The following SP140L variants were observed in gnomAD, a reference collection of about 807,000 sequenced individuals.
SP140L encodes SP140 like nuclear body protein.
In SP140L, 64 loss-of-function variants were observed where a neutral mutation model predicts 84.3. The ratio of observed to expected loss-of-function variants is 0.76; its 90% CI spans 0.62 to 0.94. SP140L has a LOEUF of 0.94. SP140L is among the 40% of genes least tolerant of loss of function. The probability of loss-of-function intolerance (pLI) is 0.00; values close to 1 mark genes in which losing one functional copy is unlikely to be tolerated. For missense variants in SP140L, 628 were observed against 692.5 expected, an observed-to-expected ratio of 0.91 and a Z score of 1.05; for synonymous variants, 242 against 236.9, an observed-to-expected ratio of 1.02 and a Z score of -0.20.
In SP140L at chr2:230,359,189, A is replaced by C. The variant is rs139861906; in HGVS notation, c.439+57A>C. ...CCGGGGCCAATTTTTTTCAATAAGCATATGTTTGAGCTCCTACCATGTGCG... is the reference window on the plus strand; with the variant it reads ...CCGGGGCCAATTTTTTTCAATAAGCCTATGTTTGAGCTCCTACCATGTGCG... On this transcript the variant is annotated intron_variant, in intron 4 of 18. Coordinates refer to ENST00000415673, the MANE Select transcript of SP140L (RefSeq NM_138402.6). The C allele has an allele frequency of 6.7e-6, 10 of 1,499,854 alleles. No homozygotes were observed. In the African/African-American group the frequency reaches 7.0e-5, roughly 10 times the overall value. The allele number at this position is 1,499,854 out of a possible 1,614,324, so 92.9% of individuals were successfully genotyped here. A position where few individuals can be genotyped will look rare whatever the true frequency, so the allele number is the denominator to read the frequency against.
At chr2:230,385,642 C>G (rs1045603323) in intron 9 of SP140L, among the ~76,000 whole-genome samples, 5 of 152,156 alleles carry the variant, frequency 3.3e-5, no homozygotes, top group Admixed American at 3.3e-4. Flanking sequence ...CCTTTGAAGT[C>G]CTCCTCCTAG....
intron 2 of SP140L, among the ~76,000 whole-genome samples, chr2:230,336,856 A>T (rs546501401): frequency 5.8e-4 from 89 of 152,296 alleles, no homozygotes; most frequent in African/African-American, 5.3e-4. Context: ...AGTATGCAAA[A>T]AACTTCTGTG....
At chr2:230,330,089 C>T (rs1228584257) in intron 2 of SP140L, among the ~76,000 whole-genome samples, 1 of 152,174 alleles carries the variant, frequency 6.6e-6, no homozygotes, top group Admixed American at 6.5e-5. Context: ...TACAACCCAT[C>T]TGGGCAGGCT....
At chr2:230,395,522 G>C (rs2062010601) in intron 13 of SP140L, among the ~76,000 whole-genome samples, 2 of 152,156 alleles carry the variant, frequency 1.3e-5, no homozygotes, top group South Asian at 4.1e-4. Context: ...CGAGGCTATA[G>C]TGAGCTGTGA....
At chr2:230,342,601 GTTTTTTCATGATTCAGT>G (rs2060089552) in intron 2 of SP140L, among the ~76,000 whole-genome samples, 1 of 151,976 alleles carries the variant, frequency 6.6e-6, no homozygotes, top group African/African-American at 2.4e-5. Flanking sequence ...CAGATTATCT[GTTTTTTCATGATTCAGT>G]CTTGGTAGGT....
chr2:230,357,735 A>G (rs2060591289), intron 2 of SP140L, 70 bp from the exon 3 acceptor site: 1 of 1,495,646 alleles, frequency 6.7e-7, no homozygotes, highest in African/African-American at 1.4e-5. Context: ...GTTATACATA[A>G]AATCTTACCA....
At chr2:230,401,271 T>C in intron 16 of SP140L, 95 bp from the exon 17 acceptor site, 1 of 1,598,966 alleles carries the variant, frequency 6.3e-7, no homozygotes, top group Non-Finnish European at 8.5e-7. Context: ...TTAGAGAAAC[T>C]TGAGGAAGAA....
chr2:230,376,792 G>A (rs1309070828), intron 7 of SP140L, among the ~76,000 whole-genome samples: 1 of 151,934 alleles, frequency 6.6e-6, no homozygotes, highest in Non-Finnish European at 1.5e-5. Flanking sequence ...GAACAAACCT[G>A]GAGGCATCAC....
chr2:230,380,476 A>C (rs1200358113), intron 7 of SP140L, among the ~76,000 whole-genome samples: 1 of 152,184 alleles, frequency 6.6e-6, no homozygotes, highest in Non-Finnish European at 1.5e-5. Flanking sequence ...TTCTGCATGC[A>C]TTCTTTTTTT....
At chr2:230,382,007 T>G (rs552884590) in intron 7 of SP140L, among the ~76,000 whole-genome samples, 1 of 152,320 alleles carries the variant, frequency 6.6e-6, no homozygotes, top group African/African-American at 2.4e-5. Context: ...CTCCTGGCTG[T>G]CTGTAAGCCT....
intron 5 of SP140L, among the ~76,000 whole-genome samples, chr2:230,369,772 G>T (rs773974362): frequency 6.8e-6 from 1 of 147,638 alleles, no homozygotes; most frequent in Non-Finnish European, 1.5e-5. Context: ...TTGTTTGTTT[G>T]TTTTCTTGTT....
In SP140L at chr2:230,328,794, A is replaced by G. The variant is rs1339440867; in HGVS notation, c.70A>G (p.Met24Val). 1 of 1,612,806 alleles carries G rather than the reference A, an allele frequency of 6.2e-7. No homozygotes were observed. The highest frequency in any genetic ancestry group is 1.1e-5 in the South Asian group (1 of 90,876). Residue 24 changes from methionine to valine, a missense_variant, in exon 2 of 19, where the codon ATG (methionine) becomes GTG (valine). Physicochemically the swap from Met to Val is conservative, Grantham distance 21 (BLOSUM62 1). Transcript: ENST00000415673. ...NGGVSQVANE[M>V]NHLPAHSQSL... ...AGGTGTTTCACAAGTAGCAAATGAG[A>G]TGAACCATCTTCCTGCACACAGCCA...
chr2:230,380,749 T>A (rs541897350), intron 7 of SP140L, among the ~76,000 whole-genome samples: 1 of 152,342 alleles, frequency 6.6e-6, no homozygotes, highest in East Asian at 1.9e-4. Context: ...TTCTCTTTAT[T>A]GTGAGATTTA....
intron 6 of SP140L, 86 bp from the exon 7 acceptor site, chr2:230,371,512 A>G (rs1441413248): frequency 1.7e-6 from 2 of 1,188,196 alleles, no homozygotes; most frequent in Admixed American, 2.6e-5. Context: ...TTATAAACTC[A>G]AGCCTTCTAT....
At chr2:230,332,803 G>C (rs1360438191) in intron 2 of SP140L, among the ~76,000 whole-genome samples, 1 of 152,070 alleles carries the variant, frequency 6.6e-6, no homozygotes, top group Admixed American at 6.5e-5. Flanking sequence ...ATTTTCTTGG[G>C]GGAGCCCTTC....
intron 2 of SP140L, among the ~76,000 whole-genome samples, chr2:230,340,674 T>TAA (rs1166106078): frequency 4.3e-5 from 6 of 138,206 alleles, no homozygotes; most frequent in Admixed American, 7.3e-5. Flanking sequence ...GGAGCTCTTG[T>TAA]AAGGCAGGCC....
intron 3 of SP140L, 140 bp downstream of exon 3, chr2:230,358,107 T>A: frequency 1.0e-6 from 1 of 974,950 alleles, no homozygotes; most frequent in Non-Finnish European, 1.5e-6. Context: ...GAGGAAATGG[T>A]GTTCCATGGC....
chr2:230,344,951 A>C (rs1432204848), intron 2 of SP140L, among the ~76,000 whole-genome samples: 4 of 152,156 alleles, frequency 2.6e-5, no homozygotes, highest in Non-Finnish European at 5.9e-5. Context: ...CCTAACATGT[A>C]CACTTGAGTA....
chr2:230,402,596 GTTAA>G (rs1406206944), intron 18 of SP140L, among the ~76,000 whole-genome samples, 198 bp from the exon 19 acceptor site: 12 of 152,298 alleles, frequency 7.9e-5, no homozygotes, highest in Admixed American at 7.2e-4. Flanking sequence ...TGATGAATAT[GTTAA>G]TTAGTTTGAT....
Sources: gnomAD v4.1 joint callset for allele counts (sites outside exome capture counted in the v4.1 genomes callset) on GRCh38, gnomAD v4.1.1 for gene constraint, MANE v1.5 for transcripts, NCBI Gene and HGNC (gene_info 2026-07-23, HGNC 2026-07-21) for gene names.